The following CCDC7 variants were observed in gnomAD, a reference collection of about 807,000 sequenced individuals.
CCDC7 encodes the protein coiled-coil domain containing 7.
A neutral mutation model predicts 196.9 loss-of-function variants in CCDC7; 183 were observed. The observed-to-expected ratio is 0.93, with a 90% CI of 0.82 to 1.05. The LOEUF (loss-of-function observed/expected upper bound fraction) is 1.05. Ranked by LOEUF, CCDC7 falls within the 50% of genes least tolerant of loss-of-function variation. The pLI is 0.00. For missense variants in CCDC7, 1,540 were observed against 1,482.2 expected (o/e 1.04, Z -0.64); for synonymous variants, 525 against 484.6 (o/e 1.08, Z -1.10).
downstream of CCDC7, among the ~76,000 whole-genome samples, chr10:32,880,612 T>C (rs2094756485): frequency 6.6e-6 from 1 of 152,216 alleles, no homozygotes; most frequent in Admixed American, 6.5e-5. Context: ...CATGAAATCT[T>C]TGCCCATGCC....
At chr10:32,461,563 T>A (rs950113215) in intron 3 of CCDC7, among the ~76,000 whole-genome samples, 1 of 151,578 alleles carries the variant, frequency 6.6e-6, no homozygotes, top group Non-Finnish European at 1.5e-5. Flanking sequence ...CTAGACCGTT[T>A]AGCAGGAACA....
intron 9 of CCDC7, among the ~76,000 whole-genome samples, chr10:32,502,280 A>T (rs1442323420): frequency 6.6e-6 from 1 of 152,160 alleles, no homozygotes; most frequent in African/African-American, 2.4e-5. Flanking sequence ...CTCCCAGTAC[A>T]GTCTCTCATG....
chr10:32,832,682 A>G (rs2092299341), intron 32 of CCDC7, among the ~76,000 whole-genome samples: 1 of 152,166 alleles, frequency 6.6e-6, no homozygotes, highest in African/African-American at 2.4e-5. Context: ...AAAACTTAAG[A>G]AAGTTCCTCA....
intron 25 of CCDC7, among the ~76,000 whole-genome samples, chr10:32,725,776 A>G (rs2083031784): frequency 6.6e-6 from 1 of 152,046 alleles, no homozygotes; most frequent in African/African-American, 2.4e-5. Flanking sequence ...ATGTGAACTC[A>G]TTACCATAGA....
intron 31 of CCDC7, 146 bp from the exon 33 acceptor site, chr10:32,824,372 A>T (rs2090776592): frequency 1.3e-5 from 6 of 477,114 alleles, no homozygotes; most frequent in Non-Finnish European, 1.9e-5. Flanking sequence ...TTTCAATTTG[A>T]ATTCCTATGT....
At chr10:32,654,203 G>T (rs1260910500) in intron 20 of CCDC7, among the ~76,000 whole-genome samples, 2 of 152,128 alleles carry the variant, frequency 1.3e-5, no homozygotes, top group Non-Finnish European at 2.9e-5. Context: ...TTCTTTCACA[G>T]TGAGATATTA....
chr10:32,521,899 T>A (rs1196559361), intron 11 of CCDC7, among the ~76,000 whole-genome samples: 2 of 152,198 alleles, frequency 1.3e-5, no homozygotes, highest in African/African-American at 4.8e-5. Context: ...TTTAGAGGAT[T>A]TTTATCATGA....
chr10:32,528,451 T>C (rs1169169566), intron 11 of CCDC7, among the ~76,000 whole-genome samples: 5 of 149,918 alleles, frequency 3.3e-5, no homozygotes, highest in African/African-American at 7.3e-5. Flanking sequence ...ATTATTCTTA[T>C]GCCTTTGCAT....
intron 13 of CCDC7, among the ~76,000 whole-genome samples, chr10:32,548,006 C>T (rs1371432122): frequency 6.6e-6 from 1 of 152,196 alleles, no homozygotes; most frequent in African/African-American, 2.4e-5. Context: ...TGCATCCTCA[C>T]AGCTTACCTC....
chr10:32,863,189 A>G (rs2094071065), intron 41 of CCDC7, among the ~76,000 whole-genome samples: 1 of 152,246 alleles, frequency 6.6e-6, no homozygotes, highest in African/African-American at 2.4e-5. Context: ...CCATGAATAG[A>G]CAAAGCAGTT....
chr10:32,879,225 G>C (rs1024923264), downstream of CCDC7, among the ~76,000 whole-genome samples: 8 of 152,020 alleles, frequency 5.3e-5, no homozygotes, highest in Non-Finnish European at 1.2e-4. Context: ...ATATATGTTT[G>C]AAAGAGTAAT....
At chr10:32,711,559 T>TTTATAA (rs1174178098) in intron 24 of CCDC7, 61 bp from the exon 26 acceptor site, 3 of 1,024,398 alleles carry the variant, frequency 2.9e-6, no homozygotes, top group Non-Finnish European at 4.3e-6. Context: ...AAATTTGAAC[T>TTTATAA]CTAGGATTTC....
At chr10:32,697,924 G>C (rs1270882281) in intron 24 of CCDC7, among the ~76,000 whole-genome samples, 2 of 152,178 alleles carry the variant, frequency 1.3e-5, no homozygotes, top group Non-Finnish European at 2.9e-5. Flanking sequence ...TCTCCCAGTA[G>C]GGGCTGACTA....
upstream of CCDC7, among the ~76,000 whole-genome samples, chr10:32,448,814 ATTAT>A (rs2032175338): frequency 6.6e-6 from 1 of 152,026 alleles, no homozygotes; most frequent in Admixed American, 6.5e-5. Context: ...AGAATTGCTA[ATTAT>A]TTATATTTTT....
At chr10:32,684,825 C>T (rs1216820731) in intron 21 of CCDC7, among the ~76,000 whole-genome samples, 1 of 152,208 alleles carries the variant, frequency 6.6e-6, no homozygotes, top group Non-Finnish European at 1.5e-5. Flanking sequence ...CTTCTCCACA[C>T]ACTTGTCCAA....
intron 29 of CCDC7, among the ~76,000 whole-genome samples, chr10:32,797,358 T>G (rs1014925710): frequency 6.6e-6 from 1 of 151,898 alleles, no homozygotes; most frequent in African/African-American, 2.4e-5. Flanking sequence ...TTGATGGCAT[T>G]ATCAGTGACA....
intron 18 of CCDC7, among the ~76,000 whole-genome samples, chr10:32,591,821 C>A (rs1324231904): frequency 6.6e-6 from 1 of 152,158 alleles, no homozygotes; most frequent in Non-Finnish European, 1.5e-5. Context: ...AGCGGGCTCC[C>A]ATCTGTCCCA....
chr10:32,642,373 C>A (rs1381370055), intron 20 of CCDC7, among the ~76,000 whole-genome samples: 1 of 152,222 alleles, frequency 6.6e-6, no homozygotes, highest in African/African-American at 2.4e-5. Context: ...CCCAGCCTGG[C>A]TGCCGCCTTG....
In CCDC7 at chr10:32,544,244, C is replaced by T; in HGVS notation, c.1080-3C>T. 1 of 1,598,866 alleles carries T rather than the reference C, an allele frequency of 6.3e-7. No homozygotes were observed. Among genetic ancestry groups the T allele is most frequent in the Admixed American group, 1.7e-5 (1 of 58,504 alleles). Reference sequence around the variant, plus strand: ...ATGCATTTTAAAACATTTTATGTTACAGGAAGATGTCTCCAGAAAAAGAGT... The same window carrying T: ...ATGCATTTTAAAACATTTTATGTTATAGGAAGATGTCTCCAGAAAAAGAGT... On this transcript the variant is annotated splice_polypyrimidine_tract_variant and splice_region_variant and intron_variant, in intron 12 of 41. Transcript: ENST00000639629.
Sources: allele counts gnomAD v4.1 joint callset (sites outside exome capture counted in the v4.1 genomes callset), GRCh38; gene constraint gnomAD v4.1.1; transcripts MANE v1.5; gene names NCBI Gene and HGNC (gene_info 2026-07-23, HGNC 2026-07-21).